Variants in SH3BGRL2 observed in about 807,000 individuals in gnomAD.
SH3BGRL2 encodes SH3 domain binding glutamate rich protein like 2.
Under a neutral mutation model 14.8 loss-of-function variants are expected in SH3BGRL2, and 21 were observed. The observed-to-expected ratio is 1.42, with a 90% CI of 1.01 to 2.05. The LOEUF is 2.05. Among genes scored for constraint, SH3BGRL2 ranks in the 30% most tolerant of loss-of-function variants. The pLI, the probability that SH3BGRL2 is intolerant of heterozygous loss-of-function variation, is 0.00. For missense variants in SH3BGRL2, 147 were observed against 130.8 expected (o/e 1.12, Z -0.61); for synonymous variants, 50 against 47.8 (o/e 1.05, Z -0.19).
the SH3BGRL2 span, chr6:79,575,655 T>C: frequency 1.3e-5 from 2 of 152,158 alleles, no homozygotes; most frequent in Non-Finnish European, 2.9e-5. Context: ...AGTTTTTTAC[T>C]TAAAGTTATT....
the SH3BGRL2 span, among the ~76,000 whole-genome samples, chr6:79,549,671 T>C: frequency 1.3e-5 from 2 of 152,184 alleles, no homozygotes; most frequent in East Asian, 3.8e-4. Flanking sequence ...AACAACTCTT[T>C]TTAAAATAAC....
chr6:79,692,733 A>G (rs1191204934), intron 2 of SH3BGRL2, among the ~76,000 whole-genome samples: 2 of 152,158 alleles, frequency 1.3e-5, no homozygotes, highest in Non-Finnish European at 2.9e-5. Context: ...TTTTGGTACC[A>G]GTACCATGCT....
the SH3BGRL2 span, among the ~76,000 whole-genome samples, chr6:79,598,502 G>A: frequency 2.0e-5 from 3 of 152,270 alleles, no homozygotes; most frequent in East Asian, 5.8e-4. Flanking sequence ...GAAGGAGCCA[G>A]TCACAAACAA....
intron 1 of SH3BGRL2, among the ~76,000 whole-genome samples, chr6:79,664,923 C>T (rs1205259283): frequency 6.6e-6 from 1 of 152,154 alleles, no homozygotes; most frequent in Non-Finnish European, 1.5e-5. Flanking sequence ...AAAAGTTGCC[C>T]AGGCATGGTG....
At chr6:79,550,712 A>G in the SH3BGRL2 span, among the ~76,000 whole-genome samples, 2 of 152,176 alleles carry the variant, frequency 1.3e-5, no homozygotes, top group African/African-American at 4.8e-5. Context: ...AGTGCAGAGT[A>G]TGATCAGAAA....
chr6:79,616,815 CAG>C, the SH3BGRL2 span, among the ~76,000 whole-genome samples: 2 of 152,176 alleles, frequency 1.3e-5, no homozygotes, highest in East Asian at 3.9e-4. Context: ...AAGCTCTGCT[CAG>C]GGGTTCAGGG....
chr6:79,598,296 G>A, the SH3BGRL2 span, among the ~76,000 whole-genome samples: 26,548 of 152,042 alleles, frequency 0.17, 2,432 homozygotes, highest in South Asian at 0.22. Context: ...GTACATGAAC[G>A]TTCATGGCAA....
chr6:79,670,483 C>G (rs774085146), intron 1 of SH3BGRL2, among the ~76,000 whole-genome samples: 1 of 152,234 alleles, frequency 6.6e-6, no homozygotes, highest in Non-Finnish European at 1.5e-5. Context: ...CAAATATTCA[C>G]TCACATATAT....
At chr6:79,598,001 A>G in the SH3BGRL2 span, among the ~76,000 whole-genome samples, 1 of 152,236 alleles carries the variant, frequency 6.6e-6, no homozygotes, top group Non-Finnish European at 1.5e-5. Flanking sequence ...ATCACATGAA[A>G]GGATACTCAA....
chr6:79,554,313 A>G, the SH3BGRL2 span, among the ~76,000 whole-genome samples: 4 of 152,198 alleles, frequency 2.6e-5, no homozygotes, highest in Non-Finnish European at 5.9e-5. Context: ...TTATTTTTAT[A>G]TAAGAAATTC....
At chr6:79,546,511 A>G in the SH3BGRL2 span, among the ~76,000 whole-genome samples, 1 of 152,200 alleles carries the variant, frequency 6.6e-6, no homozygotes, top group South Asian at 2.1e-4. Flanking sequence ...ACCGTAAGAG[A>G]GGTCTGTGTA....
In SH3BGRL2 at chr6:79,701,836, T is replaced by A. The variant is rs1770464624; in HGVS notation, c.*2327T>A. The A allele has an allele frequency of 6.6e-6, 1 of 152,590 alleles. No homozygotes were observed. Among genetic ancestry groups the A allele is most frequent in the South Asian group, 2.1e-4 (1 of 4,824 alleles). The allele number at this position is 152,590 out of a possible 1,614,324, so 9.5% of individuals were successfully genotyped here. ...AAACATATAATAATGATTTTCTTGTTCCCTTCTTTAACTAGCTGCCTTTAG... is the reference window on the plus strand; with the variant it reads ...AAACATATAATAATGATTTTCTTGTACCCTTCTTTAACTAGCTGCCTTTAG... On this transcript the variant is annotated 3_prime_UTR_variant, in exon 4 of 4. Transcript: ENST00000369838.
At chr6:79,671,021 A>T (rs1769761139) in intron 1 of SH3BGRL2, among the ~76,000 whole-genome samples, 1 of 152,156 alleles carries the variant, frequency 6.6e-6, no homozygotes, top group Non-Finnish European at 1.5e-5. Context: ...GTAGCTGAGC[A>T]CATTGCTTTT....
the SH3BGRL2 span, among the ~76,000 whole-genome samples, chr6:79,616,774 A>G: frequency 6.6e-6 from 1 of 152,122 alleles, no homozygotes; most frequent in Non-Finnish European, 1.5e-5. Context: ...TGGTCCCTCA[A>G]CCTGTCACAT....
chr6:79,562,499 A>AG, the SH3BGRL2 span, among the ~76,000 whole-genome samples: 3 of 152,172 alleles, frequency 2.0e-5, no homozygotes, highest in Admixed American at 6.5e-5. Context: ...CTCAGTGTTT[A>AG]GGGGCATAGA....
chr6:79,578,414 A>G, the SH3BGRL2 span, among the ~76,000 whole-genome samples: 1 of 152,190 alleles, frequency 6.6e-6, no homozygotes, highest in Non-Finnish European at 1.5e-5. Context: ...CCCCTCTGGG[A>G]CAAAGCTTCC....
the SH3BGRL2 span, among the ~76,000 whole-genome samples, chr6:79,612,383 AT>A: frequency 1.3e-5 from 2 of 152,194 alleles, no homozygotes; most frequent in African/African-American, 2.4e-5. Flanking sequence ...TATTCTCCCA[AT>A]TATACCCTAC....
intron 1 of SH3BGRL2, among the ~76,000 whole-genome samples, chr6:79,648,924 T>G (rs1027088736): frequency 6.6e-5 from 10 of 152,160 alleles, no homozygotes; most frequent in African/African-American, 2.4e-4. Flanking sequence ...TATTGTAGAA[T>G]TCTATTCGAT....
In SH3BGRL2 at chr6:79,701,250, A is replaced by G. The variant is rs1189110154; in HGVS notation, c.*1741A>G. ...ATTTGACAAATCCCAGGGACTATCCAGGAATTTTTTTTTAACTGGATATTG... is the reference window on the plus strand; with the variant it reads ...ATTTGACAAATCCCAGGGACTATCCGGGAATTTTTTTTTAACTGGATATTG... On this transcript the variant is annotated 3_prime_UTR_variant, in exon 4 of 4. Transcript: ENST00000369838. 6.6e-6 allele frequency: 1 copy of G among 152,206 alleles called. No homozygotes were observed. The highest frequency in any genetic ancestry group is 2.4e-5 in the African/African-American group (1 of 41,450). The allele number at this position is 152,206 out of a possible 1,614,324, so 9.4% of individuals were successfully genotyped here.
Sources: allele counts gnomAD v4.1 joint callset (sites outside exome capture counted in the v4.1 genomes callset), GRCh38; gene constraint gnomAD v4.1.1; transcripts MANE v1.5; gene names NCBI Gene and HGNC (gene_info 2026-07-23, HGNC 2026-07-21).